The following FLCN variants were observed in gnomAD, a reference collection of about 807,000 sequenced individuals.
The protein encoded by FLCN is BHD skin lesion fibrofolliculoma protein.
A neutral mutation model predicts 62.5 loss-of-function variants in FLCN; 22 were observed. The observed-to-expected ratio is 0.35, with a 90% confidence interval of 0.25 to 0.50. FLCN has a LOEUF of 0.50. Ranked by LOEUF, FLCN falls within the 20% of genes least tolerant of loss-of-function variation. The probability of loss-of-function intolerance (pLI) is 0.97; values close to 1 mark genes in which losing one functional copy is unlikely to be tolerated. For missense variants in FLCN, 657 were observed against 778.0 expected (o/e 0.84, Z 1.85); for synonymous variants, 319 against 310.0 (o/e 1.03, Z -0.30).
At position 17,216,456 on chromosome 17, in the gene FLCN, C is replaced by A. The variant is rs774142829; in HGVS notation, c.1224G>T (p.Gln408His). Residue 408 changes from glutamine (Q) to histidine (H), a missense_variant, in exon 11 of 14, where the codon CAG (glutamine) becomes CAT (histidine). Coordinates refer to ENST00000285071, the MANE Select transcript of FLCN (RefSeq NM_144997.7). The surrounding 1 kb of genome is among the most constrained non-coding windows in gnomAD (Gnocchi z 4.0). ...GCVRIIPYSS[Q>H]YEEAYRCNFL... ...AGTTGCACCGATAGGCCTCCTCGTA[C>A]TGGCTGCTGTATGGGATGATGCGGA... 1.2e-6 allele frequency: 2 copies of A among 1,613,900 alleles called. 1 individual carries two copies. The highest frequency in any genetic ancestry group is 2.2e-5 in the South Asian group (2 of 91,054).
chr17:17,214,306 A>C (rs35722543), intron 13 of FLCN, among the ~76,000 whole-genome samples: 4,247 of 148,372 alleles, frequency 0.029, 81 homozygotes, highest in Middle Eastern at 0.05. Context: ...AAAAAAAAAA[A>C]CCCGGGGGGC....
At chr17:17,217,035 C>G (rs1222595280) in intron 10 of FLCN, 34 bp downstream of exon 10, 1 of 1,492,990 alleles carries the variant, frequency 6.7e-7, no homozygotes, top group Non-Finnish European at 9.3e-7. Flanking sequence ...CAATACTGCC[C>G]TGCGCCGCAC....
chr17:17,217,011 G>T, intron 10 of FLCN, 58 bp downstream of exon 10: 3 of 1,287,234 alleles, frequency 2.3e-6, no homozygotes, highest in South Asian at 1.2e-5. Flanking sequence ...CCCACCTGAC[G>T]CCAGGCACCA....
At chr17:17,236,716 A>T (rs1194631496) in intron 1 of FLCN, among the ~76,000 whole-genome samples, 196 bp downstream of exon 1, 1 of 152,158 alleles carries the variant, frequency 6.6e-6, no homozygotes, top group East Asian at 1.9e-4. Flanking sequence ...GTCCCGTTTC[A>T]TGGCAACATC....
At chr17:17,221,183 C>CT in intron 8 of FLCN, 2 of 1,486,178 alleles carry the variant, frequency 1.3e-6, no homozygotes, top group Non-Finnish European at 1.8e-6. Context: ...AAACAGAACA[C>CT]TTTATTTGTA....
At chr17:17,222,465 C>T (rs2047120958) in intron 7 of FLCN, 36 bp downstream of exon 7, 1 of 1,613,916 alleles carries the variant, frequency 6.2e-7, no homozygotes, top group East Asian at 2.2e-5. Flanking sequence ...ACTGCTCTAT[C>T]CTAACAGATA....
In FLCN at chr17:17,216,604, G is replaced by C. The variant is rs531278976; in HGVS notation, c.1177-101C>G. On this transcript the variant is annotated intron_variant, in intron 10 of 13. Transcript: ENST00000285071. This position sits in a 1 kb window ranked among gnomAD's most constrained non-coding sequence, Gnocchi z 4.0. ...AACCCCACACGCCTCCTGCAGCCCG[G>C]TCCAAGCCCTCCCTCCTGCCAGAGG... 3.2e-6 allele frequency: 5 copies of C among 1,552,960 alleles called. No individual in the cohort carries two copies. The highest frequency in any genetic ancestry group is 4.3e-6 in the Non-Finnish European group (5 of 1,150,624).
chr17:17,215,175 G>A lies in FLCN; in HGVS notation c.1432+10C>T. The A allele has an allele frequency of 1.9e-6, 3 of 1,614,064 alleles. No homozygotes were observed. Among genetic ancestry groups the A allele is most frequent in the Non-Finnish European group, 1.7e-6 (2 of 1,180,026 alleles). ...CTCACAAAAAGGACACTCTGCCTGGGGGCACCCACCTCGGTCTGCAGCTAC... is the reference window on the plus strand; with the variant it reads ...CTCACAAAAAGGACACTCTGCCTGGAGGCACCCACCTCGGTCTGCAGCTAC... On this transcript the variant is annotated intron_variant, in intron 12 of 13. Coordinates refer to ENST00000285071, the MANE Select transcript of FLCN (RefSeq NM_144997.7).
Position 17,222,258 on chromosome 17 carries a change from A to G in FLCN, c.779+243T>C, listed in dbSNP as rs190291528. 3.9e-3 allele frequency among the ~76,000 whole-genome samples: 592 copies of G among 152,264 alleles called. 5 individuals carry two copies. Among genetic ancestry groups the G allele is most frequent in the Non-Finnish European group, 5.1e-3 (349 of 68,006 alleles). ...AGGCTGGGGCAGGAGAATCACTTGA[A>G]CCCAGGAAGAAGTGAGTTCCACATC... is the stretch of plus-strand genomic sequence containing the variant. On this transcript the variant is annotated intron_variant, in intron 7 of 13. Coordinates refer to ENST00000285071, the MANE Select transcript of FLCN (RefSeq NM_144997.7).
At chr17:17,214,916 CT>C in intron 13 of FLCN, 68 bp downstream of exon 13, 1 of 1,544,736 alleles carries the variant, frequency 6.5e-7, no homozygotes. Context: ...CCCAGCTCCT[CT>C]TTTGGAAACA....
At position 17,221,049 on chromosome 17, in the gene FLCN, G is replaced by A. The variant is rs1208256228; in HGVS notation, c.871+488C>T. 7.7e-6 allele frequency: 6 copies of A among 777,660 alleles called. No homozygotes were observed. In the East Asian group the frequency reaches 1.8e-4, roughly 24 times the overall value. The allele number at this position is 777,660 out of a possible 1,614,324, so 48.2% of individuals were successfully genotyped here. ...AAGACTGGCCCAGTGCTTCCAGGCTGGTGCACACAGTGCCACGATCCCCAA... is the reference window on the plus strand; with the variant it reads ...AAGACTGGCCCAGTGCTTCCAGGCTAGTGCACACAGTGCCACGATCCCCAA... On this transcript the variant is annotated intron_variant, in intron 8 of 13. Coordinates refer to ENST00000285071, the MANE Select transcript of FLCN (RefSeq NM_144997.7).
At chr17:17,233,629 G>T (rs958959438) in intron 1 of FLCN, among the ~76,000 whole-genome samples, 1 of 148,790 alleles carries the variant, frequency 6.7e-6, no homozygotes, top group African/African-American at 2.5e-5. Context: ...AAATTAGCCG[G>T]GCATGCCTCT....
At chr17:17,219,312 G>C in intron 8 of FLCN, 103 bp from the exon 9 acceptor site, 5 of 1,314,264 alleles carry the variant, frequency 3.8e-6, no homozygotes, top group Non-Finnish European at 5.4e-6. Flanking sequence ...TAGATTCCTG[G>C]CTGCGGCCAG....
Position 17,221,586 on chromosome 17 carries a change from C to T in FLCN, c.822G>A (p.Leu274=), listed in dbSNP as rs777731843. ...AGGTATCCTCGGTCGGAGCACCTTCCAGGAGCTTCTCGGTCAGCCGGCTGC... is the reference window on the plus strand; with the variant it reads ...AGGTATCCTCGGTCGGAGCACCTTCTAGGAGCTTCTCGGTCAGCCGGCTGC... ...ACGSRLTEKL[L]EGAPTEDTLV... Residue 274 remains leucine, a synonymous_variant, in exon 8 of 14, where the codon CTG becomes CTA. Transcript: ENST00000285071. 3.7e-6 allele frequency: 6 copies of T among 1,611,204 alleles called. No homozygotes were observed. The highest frequency in any genetic ancestry group is 1.1e-5 in the South Asian group (1 of 91,082).
chr17:17,228,276 A>C, intron 3 of FLCN, 115 bp from the exon 4 acceptor site: 1 of 1,322,226 alleles, frequency 7.6e-7, no homozygotes, highest in Admixed American at 2.3e-5. Context: ...TGCCCAGGAG[A>C]GGCCACCCGC....
intron 3 of FLCN, among the ~76,000 whole-genome samples, chr17:17,230,542 AAAC>A (rs2047389987): frequency 6.6e-6 from 1 of 151,738 alleles, no homozygotes; most frequent in East Asian, 1.9e-4. Context: ...AAAAAACCAA[AAAC>A]AACAAAAACA....
At position 17,226,288 on chromosome 17, in the gene FLCN, T is replaced by C. The variant is rs1555610947; in HGVS notation, c.284A>G (p.Tyr95Cys). 3.7e-6 allele frequency: 6 copies of C among 1,614,072 alleles called. No individual in the cohort carries two copies. Among genetic ancestry groups the C allele is most frequent in the Middle Eastern group, 1.6e-4 (1 of 6,084 alleles). ...GGAGGTCTCTTTATCATGGCTGATA[T>C]ATCCCGGGTGCCCTGCAGCAAGTGA... ...CRSLAAGHPGYISHDKETSIK... is the reference protein window; with the variant it reads ...CRSLAAGHPGCISHDKETSIK... The change falls in exon 5 of 14, where the codon TAT (tyrosine) becomes TGT (cysteine). Residue 95 changes from tyrosine (Y) to cysteine (C), a missense_variant. By Grantham distance (194) the Tyr-to-Cys change is radical. Coordinates refer to ENST00000285071, the MANE Select transcript of FLCN (RefSeq NM_144997.7).
chr17:17,221,396 G>A (rs2144926684), intron 8 of FLCN, 141 bp downstream of exon 8: 1 of 1,613,518 alleles, frequency 6.2e-7, no homozygotes, highest in Non-Finnish European at 8.5e-7. Flanking sequence ...GAGATCGGAG[G>A]GTGAGCTTCC....
At chr17:17,219,287 C>A in intron 8 of FLCN, 78 bp from the exon 9 acceptor site, 5 of 1,348,376 alleles carry the variant, frequency 3.7e-6, no homozygotes, top group East Asian at 6.7e-5. Flanking sequence ...ACTTCATGGG[C>A]TGAGCCGGTC....
Sources: gnomAD v4.1 joint callset for allele counts (sites outside exome capture counted in the v4.1 genomes callset) on GRCh38, gnomAD v4.1.1 for gene constraint, Gnocchi (gnomAD v3.1) non-coding constraint, MANE v1.5 for transcripts, NCBI Gene and HGNC (gene_info 2026-07-23, HGNC 2026-07-21) for gene names.